Variants in COL6A3 observed in about 807,000 individuals in gnomAD.
COL6A3 encodes collagen alpha-3(VI) chain.
In COL6A3, 137 loss-of-function variants were observed where a neutral mutation model predicts 274.1. The ratio of observed to expected loss-of-function variants is 0.50; its 90% CI spans 0.44 to 0.58. The LOEUF (loss-of-function observed/expected upper bound fraction) is 0.58. Ranked by LOEUF, COL6A3 falls within the 20% of genes least tolerant of loss-of-function variation. COL6A3 has a pLI of 0.00. For synonymous variants in COL6A3, 1,650 were observed against 1,650.6 expected (o/e 1.00, Z 0.01); for missense variants, 3,950 against 4,124.9 (o/e 0.96, Z 1.16).
At position 237,394,639 on chromosome 2, in the gene COL6A3, T is replaced by G; in HGVS notation, c.657A>C (p.Ser219=). ...CCCCAGCCCTTTCTGGACTCACGGA[T>G]GAATGCACACAGGACACTAAGTTTC... The part of the protein sequence containing the change: ...IVGNLVSCVH[S]SVSPERAGDT... The change falls in exon 3 of 44, where the codon TCA becomes TCC. Residue 219 remains serine (S), a synonymous_variant. Coordinates refer to ENST00000295550, the MANE Select transcript of COL6A3 (RefSeq NM_004369.4). The G allele has an allele frequency of 1.2e-6, 2 of 1,614,218 alleles. No homozygotes were observed. Among genetic ancestry groups the G allele is most frequent in the Non-Finnish European group, 1.7e-6 (2 of 1,180,036 alleles).
intron 43 of COL6A3, 103 bp from the exon 44 acceptor site, chr2:237,324,917 C>G (rs985554048): frequency 1.1e-5 from 13 of 1,149,566 alleles, no homozygotes; most frequent in Non-Finnish European, 1.5e-5. Context: ...TATCATGACA[C>G]AGTCCCGCAG....
At chr2:237,341,200 T>C (rs780804543) in intron 37 of COL6A3, 50 bp from the exon 38 acceptor site, 7 of 1,511,720 alleles carry the variant, frequency 4.6e-6, no homozygotes, top group South Asian at 4.5e-5. Context: ...CACAGCAGGA[T>C]ACACAGCTCA....
At chr2:237,356,232 G>A (rs1035167196) in intron 23 of COL6A3, among the ~76,000 whole-genome samples, 1 of 152,156 alleles carries the variant, frequency 6.6e-6, no homozygotes, top group Admixed American at 6.5e-5. Context: ...ACGCTGAGTT[G>A]TAATAGCCCA....
chr2:237,395,915 T>G (rs2078428091), intron 2 of COL6A3, among the ~76,000 whole-genome samples: 1 of 152,176 alleles, frequency 6.6e-6, no homozygotes. Context: ...GGGTGGGAGC[T>G]CAGGGTATCA....
rs536452909 is a variant in COL6A3 at position 237,394,857 on chromosome 2, C to G, written c.439G>C (p.Val147Leu). 3.1e-6 allele frequency: 5 copies of G among 1,613,408 alleles called. No individual in the cohort carries two copies. The African/African-American group carries it at 4.0e-5, about 13-fold the overall frequency. The change falls in exon 3 of 44, where the codon GTA becomes CTA. Residue 147 changes from valine to leucine, a missense_variant. By Grantham distance (32) the Val-to-Leu change is conservative. Around this residue, in one of 5 missense-constraint regions of COL6A3, gnomAD observed 1,934 missense variants for 1,984.3 expected, o/e 0.97. Coordinates refer to ENST00000295550, the MANE Select transcript of COL6A3 (RefSeq NM_004369.4). ...RAGDGVPQVI[V>L]VLTDGHSKDG... ...TTCGAGTGTCCATCAGTTAACACTA[C>G]GATAACCTGAGGGACTCCGTCACCG...
At chr2:237,356,443 A>G (rs2077317723) in intron 23 of COL6A3, among the ~76,000 whole-genome samples, 2 of 152,326 alleles carry the variant, frequency 1.3e-5, no homozygotes, top group African/African-American at 4.8e-5. Flanking sequence ...TTCAAAGCAA[A>G]ATGATGCCCA....
In COL6A3 at chr2:237,325,610, T is replaced by C; in HGVS notation, c.9443A>G (p.Asn3148Ser). The change falls in exon 43 of 44, where the codon AAC becomes AGC. Residue 3148 changes from asparagine to serine, a missense_variant. Coordinates refer to ENST00000295550, the MANE Select transcript of COL6A3 (RefSeq NM_004369.4). Reference protein sequence around the residue: ...ARFWYGGCGGNENKFGSQKEC... With the variant: ...ARFWYGGCGGSENKFGSQKEC... Reference sequence around the variant, plus strand: ...TTTCTGTGATCCAAATTTGTTTTCGTTTCCACCACAACCTCCATACCAGAA... The same window carrying C: ...TTTCTGTGATCCAAATTTGTTTTCGCTTCCACCACAACCTCCATACCAGAA... The C allele has an allele frequency of 6.2e-7, 1 of 1,614,192 alleles. No individual in the cohort carries two copies. Among genetic ancestry groups the C allele is most frequent in the Non-Finnish European group, 8.5e-7 (1 of 1,180,030 alleles).
rs139066871 is a variant in COL6A3, at chr2:237,364,222, G to C, written c.5917+128C>G. ...TGATGAAGGGCCACAACGCTGGGAG[G>C]AAGAGTCTCCCAAGACAACGCTGCT... On this transcript the variant is annotated intron_variant, in intron 13 of 43. Coordinates refer to ENST00000295550, the MANE Select transcript of COL6A3 (RefSeq NM_004369.4). This position sits in a 1 kb window ranked among gnomAD's most constrained non-coding sequence, Gnocchi z 4.6. 2.1e-4 allele frequency: 162 copies of C among 769,904 alleles called. 2 individuals carry two copies. The African/African-American group carries it at 2.4e-3, about 11-fold the overall frequency. The allele number at this position is 769,904 out of a possible 1,614,324, so 47.7% of individuals were successfully genotyped here.
chr2:237,361,284 T>C lies in COL6A3; in HGVS notation c.6157-110A>G, dbSNP rs1437372078. On this transcript the variant is annotated intron_variant, in intron 15 of 43. Transcript: ENST00000295550. This position sits in a 1 kb window ranked among gnomAD's most constrained non-coding sequence, Gnocchi z 5.1. The stretch of plus-strand genomic sequence containing the variant: ...GGCAGAGCAGCACTAAAACTCAGCA[T>C]GGCTTTCCCTGTTACTGCTTTTCCC... The C allele has an allele frequency of 1.6e-5, 15 of 920,574 alleles. No individual in the cohort carries two copies. The highest frequency in any genetic ancestry group is 2.3e-5 in the Non-Finnish European group (13 of 563,354). 57.0% of individuals were successfully genotyped at this position (920,574 alleles called of 1,614,324 possible).
chr2:237,374,780 G>C lies in COL6A3; in HGVS notation c.3311C>G (p.Pro1104Arg), dbSNP rs371991808. The C allele has an allele frequency of 6.2e-7, 1 of 1,613,842 alleles. No homozygotes were observed. Among genetic ancestry groups the C allele is most frequent in the Non-Finnish European group, 8.5e-7 (1 of 1,179,982 alleles). The change falls in exon 8 of 44, where the codon CCG becomes CGG. Residue 1104 changes from proline to arginine, a missense_variant. By Grantham distance (103) the Pro-to-Arg change is moderately radical. This residue lies in a region of COL6A3 where 1,934 missense variants were observed against 1,984.3 expected (regional missense o/e 0.97). Coordinates refer to ENST00000295550, the MANE Select transcript of COL6A3 (RefSeq NM_004369.4). The surrounding 1 kb of genome is among the most constrained non-coding windows in gnomAD (Gnocchi z 4.8). ...AVRQLTLLGG[P>R]TPNTGAALEF... ...CAGGGCGGCCCCGGTGTTGGGGGTC[G>C]GCCCTCCCAGCAGGGTCAGCTGGCG...
intron 28 of COL6A3, among the ~76,000 whole-genome samples, chr2:237,349,528 T>G (rs1392550055): frequency 6.6e-6 from 1 of 152,264 alleles, no homozygotes; most frequent in African/African-American, 2.4e-5. Context: ...ATTAAAACAG[T>G]CAGATCAACC....
At chr2:237,348,827 C>A (rs1407108542) in intron 28 of COL6A3, among the ~76,000 whole-genome samples, 164 bp from the exon 29 acceptor site, 1 of 152,152 alleles carries the variant, frequency 6.6e-6, no homozygotes, top group Non-Finnish European at 1.5e-5. Context: ...TCCTATCTTC[C>A]AAGTGTGAAC....
At position 237,371,909 on chromosome 2, in the gene COL6A3, C is replaced by A. The variant is rs372234605; in HGVS notation, c.4108G>T (p.Ala1370Ser). 7 of 1,613,892 alleles carry A rather than the reference C, an allele frequency of 4.3e-6. No individual in the cohort carries two copies. In the South Asian group the frequency reaches 7.7e-5, roughly 18 times the overall value. Reference sequence around the variant, plus strand: ...AGCTCCTCCTGGTCTGCGTTCCTGGCGATCGTGAAAGGGGCCACGCCAAAC... The same window carrying A: ...AGCTCCTCCTGGTCTGCGTTCCTGGAGATCGTGAAAGGGGCCACGCCAAAC... ...KQFGVAPFTI[A>S]RNADQEELVK... Residue 1370 changes from alanine to serine, a missense_variant, in exon 9 of 44, where the codon GCC becomes TCC. Physicochemically the swap from Ala to Ser is moderately conservative, Grantham distance 99. This residue lies in a region of COL6A3 where 1,934 missense variants were observed against 1,984.3 expected (regional missense o/e 0.97). Coordinates refer to ENST00000295550, the MANE Select transcript of COL6A3 (RefSeq NM_004369.4). The surrounding 1 kb of genome is among the most constrained non-coding windows in gnomAD (Gnocchi z 4.3).
intron 41 of COL6A3, among the ~76,000 whole-genome samples, chr2:237,334,224 C>T (rs572059510): frequency 6.6e-6 from 1 of 152,328 alleles, no homozygotes; most frequent in South Asian, 2.1e-4. Flanking sequence ...CTCCATTACT[C>T]CCTAAGGAGC....
Position 237,381,016 on chromosome 2 carries a change from G to A in COL6A3, c.1796C>T (p.Ser599Phe), listed in dbSNP as rs748514949. The A allele has an allele frequency of 1.7e-5, 28 of 1,614,120 alleles. No individual in the cohort carries two copies. The highest frequency in any genetic ancestry group is 2.2e-5 in the Non-Finnish European group (26 of 1,180,046). ...QAELEEIAFD[S>F]SLVFIPAEFR... ...CTCAGCTGGGATGAACACCAGGGAG[G>A]AGTCGAAAGCGATCTCTTCCAGCTC... is the stretch of plus-strand genomic sequence containing the variant. Residue 599 changes from serine (S) to phenylalanine (F), a missense_variant, in exon 5 of 44, where the codon TCC becomes TTC. Transcript: ENST00000295550.
At chr2:237,328,123 C>A (rs1285648994) in intron 42 of COL6A3, 3 of 152,206 alleles carry the variant, frequency 2.0e-5, no homozygotes, top group African/African-American at 7.2e-5. Context: ...TTATCCACAA[C>A]CTTCCCCGGC....
chr2:237,332,051 A>ATC (rs1200135188), intron 42 of COL6A3, among the ~76,000 whole-genome samples: 4 of 89,360 alleles, frequency 4.5e-5, no homozygotes, highest in Admixed American at 1.3e-4. Flanking sequence ...CTCTCCCCCC[A>ATC]TCTCTCTCTC....
intron 27 of COL6A3, among the ~76,000 whole-genome samples, chr2:237,350,664 G>C (rs2077186696): frequency 6.6e-6 from 1 of 152,218 alleles, no homozygotes; most frequent in Non-Finnish European, 1.5e-5. Context: ...CAGCAGACTT[G>C]CTGTTATCCA....
intron 42 of COL6A3, 62 bp from the exon 43 acceptor site, chr2:237,325,786 G>C (rs888840652): frequency 1.4e-6 from 2 of 1,465,456 alleles, no homozygotes; most frequent in South Asian, 2.3e-5. Flanking sequence ...GGCTCCCAGT[G>C]CTGGGGCTGA....
Sources: allele counts gnomAD v4.1 joint callset (sites outside exome capture counted in the v4.1 genomes callset), GRCh38; gene constraint gnomAD v4.1.1; regional missense constraint gnomAD v4.1.1; non-coding constraint Gnocchi (gnomAD v3.1); transcripts MANE v1.5; gene names NCBI Gene and HGNC (gene_info 2026-07-23, HGNC 2026-07-21).